The following FBXO10 variants were observed in gnomAD, a reference collection of about 807,000 sequenced individuals.
FBXO10 encodes F-box protein 10.
In FBXO10, 39 loss-of-function variants were observed where a neutral mutation model predicts 80.7. The observed-to-expected ratio is 0.48, with a 90% CI of 0.37 to 0.63. The LOEUF is 0.63. FBXO10 is among the 30% of genes least tolerant of loss of function. The pLI, the probability that FBXO10 is intolerant of heterozygous loss-of-function variation, is 0.00. For missense variants in FBXO10, 1,025 were observed against 1,269.0 expected, an observed-to-expected ratio of 0.81 and a Z score of 2.92; for synonymous variants, 449 against 489.6, an observed-to-expected ratio of 0.92 and a Z score of 1.09.
Position 37,521,841 on chromosome 9 carries a change from G to A in FBXO10, c.1931-3C>T. On this transcript the variant is annotated splice_region_variant and splice_polypyrimidine_tract_variant and intron_variant, in intron 7 of 10. Coordinates refer to ENST00000432825, the MANE Select transcript of FBXO10 (RefSeq NM_012166.3). Reference sequence around the variant, plus strand: ...CCACACACCACAGCCCTTGTTAGCTGGGACAGTGAGAGGAGCTGGTCACCG... The same window carrying A: ...CCACACACCACAGCCCTTGTTAGCTAGGACAGTGAGAGGAGCTGGTCACCG... 1 of 1,566,744 alleles carries A rather than the reference G, an allele frequency of 6.4e-7. No homozygotes were observed. Among genetic ancestry groups the A allele is most frequent in the Non-Finnish European group, 8.6e-7 (1 of 1,158,292 alleles).
intron 1 of FBXO10, among the ~76,000 whole-genome samples, chr9:37,569,272 T>A (rs541630208): frequency 1.3e-5 from 2 of 149,388 alleles, no homozygotes; most frequent in South Asian, 2.1e-4. Context: ...AAAAAAAAAA[T>A]TATTAGAAAC....
At chr9:37,542,174 G>T (rs73439494) in intron 1 of FBXO10, among the ~76,000 whole-genome samples, 2,423 of 152,172 alleles carry the variant, frequency 0.016, 78 homozygotes, top group African/African-American at 0.055. Context: ...CTGAGCCCAA[G>T]GGTGAGCAAA....
chr9:37,534,227 A>G (rs957290397), intron 3 of FBXO10, among the ~76,000 whole-genome samples: 3 of 152,342 alleles, frequency 2.0e-5, no homozygotes, highest in African/African-American at 7.2e-5. Flanking sequence ...AATTCTGTGA[A>G]GACTAAAGTA....
chr9:37,570,351 C>T (rs948436596), intron 1 of FBXO10, among the ~76,000 whole-genome samples: 1 of 151,562 alleles, frequency 6.6e-6, no homozygotes, highest in African/African-American at 2.4e-5. Context: ...AACAGAGATA[C>T]CACATATCAA....
chr9:37,529,683 G>A (rs954307405), intron 4 of FBXO10, among the ~76,000 whole-genome samples: 11 of 152,210 alleles, frequency 7.2e-5, no homozygotes, highest in Admixed American at 6.5e-4. Context: ...CAGTCCTAAA[G>A]GGGCCACATC....
intron 1 of FBXO10, among the ~76,000 whole-genome samples, chr9:37,563,743 T>C (rs1822536288): frequency 6.6e-6 from 1 of 152,202 alleles, no homozygotes; most frequent in South Asian, 2.1e-4. Flanking sequence ...AAGAAACTTC[T>C]AAACGACAAA....
At chr9:37,515,035 G>C (rs1353721919) in intron 10 of FBXO10, 2 of 152,248 alleles carry the variant, frequency 1.3e-5, no homozygotes, top group African/African-American at 4.8e-5. Flanking sequence ...GGATGCATGG[G>C]ACAACCTCCA....
intron 10 of FBXO10, among the ~76,000 whole-genome samples, chr9:37,513,887 G>A (rs986144548): frequency 6.6e-6 from 1 of 152,112 alleles, no homozygotes; most frequent in Non-Finnish European, 1.5e-5. Flanking sequence ...ACCGCACCCG[G>A]CCACGATTTC....
At chr9:37,558,813 C>CT (rs34174564) in intron 1 of FBXO10, among the ~76,000 whole-genome samples, 2,253 of 144,794 alleles carry the variant, frequency 0.016, 44 homozygotes, top group East Asian at 0.068. Context: ...GAAAGAAAAT[C>CT]TTTTTTTTTT....
intron 2 of FBXO10, among the ~76,000 whole-genome samples, chr9:37,539,950 T>A (rs1242122744): frequency 6.6e-6 from 1 of 152,130 alleles, no homozygotes; most frequent in Non-Finnish European, 1.5e-5. Flanking sequence ...AGACTTTGGA[T>A]CTTACTAAGT....
intron 8 of FBXO10, among the ~76,000 whole-genome samples, 169 bp from the exon 9 acceptor site, chr9:37,518,607 C>T (rs1049378986): frequency 2.0e-5 from 3 of 152,220 alleles, no homozygotes; most frequent in Admixed American, 6.5e-5. Context: ...GCTGATGAAA[C>T]AGCAGGAGGA....
At chr9:37,529,332 C>A in intron 4 of FBXO10, 72 bp from the exon 5 acceptor site, 1 of 1,511,214 alleles carries the variant, frequency 6.6e-7, no homozygotes, top group Non-Finnish European at 9.0e-7. Flanking sequence ...CAGGTGCCGC[C>A]CACACCTCCG....
intron 2 of FBXO10, 130 bp downstream of exon 2, chr9:37,541,054 C>G: frequency 1.3e-6 from 1 of 741,682 alleles, no homozygotes; most frequent in Non-Finnish European, 2.1e-6. Flanking sequence ...GTTCAGCACT[C>G]AGAGGAGTAT....
chr9:37,528,140 C>G (rs1406434091), intron 5 of FBXO10, among the ~76,000 whole-genome samples: 1 of 152,204 alleles, frequency 6.6e-6, no homozygotes, highest in Admixed American at 6.5e-5. Context: ...GTCTTCTGCT[C>G]AGAGCCTTTA....
chr9:37,518,097 C>T, intron 9 of FBXO10, 28 bp downstream of exon 9: 1 of 1,586,336 alleles, frequency 6.3e-7, no homozygotes, highest in Non-Finnish European at 8.6e-7. Flanking sequence ...GTGGGCACCA[C>T]ACGTCACACA....
In FBXO10 at chr9:37,521,803, T is replaced by C; in HGVS notation, c.1966A>G (p.Ser656Gly). The C allele has an allele frequency of 1.9e-6, 3 of 1,603,396 alleles. No individual in the cohort carries two copies. The highest frequency in any genetic ancestry group is 2.2e-5 in the South Asian group (2 of 90,536). Residue 656 changes from serine to glycine, a missense_variant, in exon 8 of 11, where the codon AGC (serine) becomes GGC (glycine). Ser to Gly is a moderately conservative substitution (Grantham distance 56). This residue lies in a region of FBXO10 where 478 missense variants were observed against 667.8 expected (regional missense o/e 0.72). Transcript: ENST00000432825. ...KGCGVWMMSS[S>G]LPHVTSNHVS... ...TGGTTGCTGGTGACATGGGGGAGGC[T>C]GGACGACATCATCCACACACCACAG...
At chr9:37,562,610 T>C (rs553859124) in intron 1 of FBXO10, among the ~76,000 whole-genome samples, 1 of 152,350 alleles carries the variant, frequency 6.6e-6, no homozygotes, top group East Asian at 1.9e-4. Flanking sequence ...CCCAGAACTA[T>C]GCCTGGCGCA....
At chr9:37,573,601 G>A (rs1822815316) in intron 1 of FBXO10, among the ~76,000 whole-genome samples, 1 of 152,200 alleles carries the variant, frequency 6.6e-6, no homozygotes, top group African/African-American at 2.4e-5. Flanking sequence ...GAGAGTGACA[G>A]TAAGACTGAC....
Position 37,572,967 on chromosome 9 carries a change from C to T in FBXO10, c.-7+3244G>A, listed in dbSNP as rs1180037414. Among the ~76,000 whole-genome samples, 18 of 151,976 alleles carry T rather than the reference C, an allele frequency of 1.2e-4. 1 individual carries two copies. Among genetic ancestry groups the T allele is most frequent in the Non-Finnish European group, 7.4e-5 (5 of 68,006 alleles). On this transcript the variant is annotated intron_variant, in intron 1 of 10. Coordinates refer to ENST00000432825, the MANE Select transcript of FBXO10 (RefSeq NM_012166.3). ...GCAAAATCCCTAACAGGGTACATGCCAAGTAAATTTTCCAGAATGCCTAAA... is the reference window on the plus strand; with the variant it reads ...GCAAAATCCCTAACAGGGTACATGCTAAGTAAATTTTCCAGAATGCCTAAA...
Sources: allele counts gnomAD v4.1 joint callset (sites outside exome capture counted in the v4.1 genomes callset), GRCh38; gene constraint gnomAD v4.1.1; regional missense constraint gnomAD v4.1.1; transcripts MANE v1.5; gene names NCBI Gene and HGNC (gene_info 2026-07-23, HGNC 2026-07-21).